Variants in APBB2 observed in about 807,000 individuals in gnomAD.
The protein encoded by APBB2 is amyloid beta precursor protein binding family B member 2, also known as Fe65-like 1.
In APBB2, 38 loss-of-function variants were observed where a neutral mutation model predicts 82.5. The ratio of observed to expected loss-of-function variants is 0.46; its 90% CI spans 0.36 to 0.60. The LOEUF is 0.60. APBB2 is among the 20% of genes least tolerant of loss of function. The pLI is 0.00. For missense variants in APBB2, 772 were observed against 972.3 expected, an observed-to-expected ratio of 0.79 and a Z score of 2.74; for synonymous variants, 341 against 368.2, an observed-to-expected ratio of 0.93 and a Z score of 0.85.
intron 6 of APBB2, among the ~76,000 whole-genome samples, chr4:40,961,697 A>G (rs984791454): frequency 2.9e-4 from 26 of 90,846 alleles, no homozygotes; most frequent in Non-Finnish European, 4.8e-4. Flanking sequence ...AAAAAAAAAA[A>G]AAAGAAACCA....
At chr4:41,062,001 T>C (rs1206602991) in intron 4 of APBB2, among the ~76,000 whole-genome samples, 1 of 152,156 alleles carries the variant, frequency 6.6e-6, no homozygotes, top group Non-Finnish European at 1.5e-5. Flanking sequence ...CAGGGAACAG[T>C]TGTGGCCCTG....
intron 6 of APBB2, among the ~76,000 whole-genome samples, chr4:40,960,690 G>A (rs113957465): frequency 0.012 from 1,885 of 151,998 alleles, 23 homozygotes; most frequent in Non-Finnish European, 0.018. Flanking sequence ...CTTGTGATCC[G>A]CACACCTTGG....
intron 6 of APBB2, among the ~76,000 whole-genome samples, chr4:40,990,955 G>C (rs1034001228): frequency 6.6e-6 from 1 of 150,560 alleles, no homozygotes; most frequent in Non-Finnish European, 1.5e-5. Context: ...GGGCAGGGAG[G>C]GGTAAGATTT....
At chr4:40,991,859 C>T (rs1802183555) in intron 6 of APBB2, among the ~76,000 whole-genome samples, 1 of 152,088 alleles carries the variant, frequency 6.6e-6, no homozygotes, top group Non-Finnish European at 1.5e-5. Context: ...AGAAGGTGGG[C>T]TGAGGTTTCC....
intron 5 of APBB2, among the ~76,000 whole-genome samples, chr4:41,029,239 T>C (rs1339542784): frequency 6.6e-6 from 1 of 152,192 alleles, no homozygotes; most frequent in Non-Finnish European, 1.5e-5. Context: ...GGAAATGAAA[T>C]AAACTCTGAT....
At chr4:40,857,622 C>T (rs1761701642) in intron 12 of APBB2, among the ~76,000 whole-genome samples, 2 of 152,146 alleles carry the variant, frequency 1.3e-5, no homozygotes, top group Admixed American at 1.3e-4. Context: ...AGGCGCCCGC[C>T]ACCATGCCTG....
rs1411314791 is a variant in APBB2, at chr4:40,814,934, C to G, written c.*1158G>C. 6.6e-6 allele frequency: 1 copy of G among 151,832 alleles called. No homozygotes were observed. 9.4% of individuals were successfully genotyped at this position (151,832 alleles called of 1,614,324 possible). On this transcript the variant is annotated 3_prime_UTR_variant, in exon 18 of 18. Transcript: ENST00000508593. ...TATATCTAGTTGAGTCCAACAAATT[C>G]TAATATTAAATACATAAAATCAAGG... is the stretch of plus-strand genomic sequence containing the variant.
chr4:41,081,871 T>C (rs1162629652), intron 3 of APBB2, among the ~76,000 whole-genome samples: 2 of 152,228 alleles, frequency 1.3e-5, no homozygotes, highest in Non-Finnish European at 2.9e-5. Context: ...AAGTATAAAT[T>C]GGTGAAATAT....
chr4:41,172,014 C>T (rs940375760), intron 1 of APBB2, among the ~76,000 whole-genome samples: 1 of 152,170 alleles, frequency 6.6e-6, no homozygotes, highest in South Asian at 2.1e-4. Flanking sequence ...GCAGTAGAAT[C>T]GCTTGAACCC....
intron 4 of APBB2, among the ~76,000 whole-genome samples, chr4:41,057,372 A>G (rs1327102762): frequency 6.6e-6 from 1 of 152,234 alleles, no homozygotes; most frequent in Non-Finnish European, 1.5e-5. Context: ...AATCACTTGA[A>G]TTCGGGAGGC....
rs373415567 is a variant in APBB2, at chr4:41,032,506, C to CG, written c.19+729dup. On this transcript the variant is annotated intron_variant, in intron 5 of 17. Transcript: ENST00000508593. ...AGGAGAATACATTCAGTATTGGGGG[C>CG]GGGGGGGGTTTCTGTCTAAGCAAAC... is the stretch of plus-strand genomic sequence containing the variant. 9.3e-3 allele frequency among the ~76,000 whole-genome samples: 1,371 copies of CG among 147,844 alleles called. 22 individuals are homozygous for CG. Among genetic ancestry groups the CG allele is most frequent in the Admixed American group, 0.045 (661 of 14,674 alleles).
chr4:41,163,910 C>G (rs1765819188), intron 1 of APBB2, among the ~76,000 whole-genome samples: 3 of 152,086 alleles, frequency 2.0e-5, no homozygotes, highest in African/African-American at 7.2e-5. Context: ...TGTATTCAAC[C>G]TACATGAAAT....
chr4:41,026,766 T>C (rs1221788331), intron 5 of APBB2, among the ~76,000 whole-genome samples: 1 of 152,242 alleles, frequency 6.6e-6, no homozygotes, highest in South Asian at 2.1e-4. Flanking sequence ...TTTTTAGCTA[T>C]TATGAGTTAA....
intron 6 of APBB2, among the ~76,000 whole-genome samples, chr4:40,976,937 T>C (rs1198416402): frequency 6.6e-6 from 1 of 152,084 alleles, no homozygotes; most frequent in Non-Finnish European, 1.5e-5. Context: ...TGGTCTCAGA[T>C]ACTTGGGAGG....
intron 10 of APBB2, among the ~76,000 whole-genome samples, chr4:40,897,819 T>A (rs1774122628): frequency 6.6e-6 from 1 of 152,096 alleles, no homozygotes; most frequent in African/African-American, 2.4e-5. Flanking sequence ...CCACCACCAC[T>A]TTCCCTTAAA....
chr4:41,126,529 C>A (rs1754451088), intron 2 of APBB2, among the ~76,000 whole-genome samples: 1 of 152,242 alleles, frequency 6.6e-6, no homozygotes, highest in South Asian at 2.1e-4. Flanking sequence ...CTGAGTCTCC[C>A]TCTTCCTGAC....
chr4:40,861,711 G>A (rs1762806660), intron 12 of APBB2, among the ~76,000 whole-genome samples: 2 of 152,154 alleles, frequency 1.3e-5, no homozygotes, highest in South Asian at 4.1e-4. Context: ...AGAAAGACAG[G>A]TTCAATTATG....
intron 12 of APBB2, among the ~76,000 whole-genome samples, chr4:40,839,251 A>T (rs545750620): frequency 4.0e-5 from 6 of 151,458 alleles, no homozygotes; most frequent in African/African-American, 1.5e-4. Flanking sequence ...CTCAAAATAT[A>T]TTTTTTCTAA....
chr4:41,162,861 TA>T (rs1221261320), intron 1 of APBB2, among the ~76,000 whole-genome samples: 1 of 152,128 alleles, frequency 6.6e-6, no homozygotes, highest in Non-Finnish European at 1.5e-5. Flanking sequence ...TCTGTTAAAA[TA>T]AATAATAAAT....
Sources: allele counts gnomAD v4.1 joint callset (sites outside exome capture counted in the v4.1 genomes callset), GRCh38; gene constraint gnomAD v4.1.1; transcripts MANE v1.5; gene names NCBI Gene and HGNC (gene_info 2026-07-23, HGNC 2026-07-21).